MAF: variants seen among roughly 807,000 people sequenced by gnomAD.
The protein encoded by MAF is transcription factor Maf.
MAF carries 10 observed loss-of-function variants against 22.0 expected under a neutral mutation model. The observed-to-expected ratio is 0.45, with a 90% CI of 0.28 to 0.77. The LOEUF (loss-of-function observed/expected upper bound fraction) is 0.77, where lower values mean the gene tolerates loss of function less well. Ranked by LOEUF, MAF falls within the 30% of genes least tolerant of loss-of-function variation. The probability of loss-of-function intolerance (pLI) is 0.12; values close to 1 mark genes in which losing one functional copy is unlikely to be tolerated. For missense variants in MAF, 544 were observed against 548.4 expected (o/e 0.99, Z 0.08); for synonymous variants, 337 against 255.8 (o/e 1.32, Z -3.03).
At chr16:79,310,738 A>G in the MAF span, among the ~76,000 whole-genome samples, 13 of 152,160 alleles carry the variant, frequency 8.5e-5, no homozygotes, top group South Asian at 2.3e-3. Flanking sequence ...AGCAGGGTGG[A>G]GTGGTGTTAT....
chr16:79,444,573 A>C, the MAF span, among the ~76,000 whole-genome samples: 2 of 152,216 alleles, frequency 1.3e-5, no homozygotes, highest in African/African-American at 4.8e-5. Flanking sequence ...GGATGGGCAA[A>C]GTGTATTTAC....
chr16:79,581,579 T>C (rs1912519476), downstream of MAF, among the ~76,000 whole-genome samples: 1 of 152,100 alleles, frequency 6.6e-6, no homozygotes, highest in Admixed American at 6.5e-5. Flanking sequence ...ATCAATTCAA[T>C]TCTCACCTCT....
the MAF span, among the ~76,000 whole-genome samples, chr16:79,496,878 G>A: frequency 6.6e-6 from 1 of 152,086 alleles, no homozygotes; most frequent in Admixed American, 6.5e-5. Context: ...AAATCCCTCT[G>A]ATTATTATTT....
the MAF span, among the ~76,000 whole-genome samples, chr16:79,273,949 CTTTTTTTTTTTTTT>C: frequency 1.6e-4 from 14 of 86,460 alleles, no homozygotes; most frequent in Non-Finnish European, 1.8e-4. Flanking sequence ...TCGTGTCTGC[CTTTTTTTTTTTTTT>C]TTTTTTTTTT....
At chr16:79,233,913 A>C in the MAF span, among the ~76,000 whole-genome samples, 4 of 151,462 alleles carry the variant, frequency 2.6e-5, no homozygotes. Flanking sequence ...AATCCCTTGA[A>C]TATGGGAGGC....
chr16:79,236,533 A>G, the MAF span, among the ~76,000 whole-genome samples: 1 of 152,050 alleles, frequency 6.6e-6, no homozygotes, highest in African/African-American at 2.4e-5. Context: ...TCATTCATCC[A>G]TGAGATCTTT....
chr16:79,529,247 C>T, the MAF span, among the ~76,000 whole-genome samples: 3 of 152,258 alleles, frequency 2.0e-5, no homozygotes, highest in Admixed American at 1.3e-4. Context: ...GCGCCAAAAA[C>T]CAGGGGAGGG....
chr16:79,428,133 G>A, the MAF span, among the ~76,000 whole-genome samples: 38 of 146,032 alleles, frequency 2.6e-4, no homozygotes, highest in Admixed American at 2.5e-3. Context: ...CTGCTGTGAA[G>A]CAACTTCCAA....
chr16:79,310,630 A>T, the MAF span, among the ~76,000 whole-genome samples: 1 of 152,090 alleles, frequency 6.6e-6, no homozygotes, highest in African/African-American at 2.4e-5. Flanking sequence ...TTTTGCAAAG[A>T]GCTTCATCCC....
At chr16:79,331,395 C>A in the MAF span, among the ~76,000 whole-genome samples, 1 of 152,224 alleles carries the variant, frequency 6.6e-6, no homozygotes, top group South Asian at 2.1e-4. Flanking sequence ...TCCAGCTGAA[C>A]TGAAACAAGT....
chr16:79,374,077 T>C, the MAF span, among the ~76,000 whole-genome samples: 7 of 152,162 alleles, frequency 4.6e-5, no homozygotes, highest in Non-Finnish European at 1.0e-4. Flanking sequence ...CTCCTCTGCC[T>C]TGTCAGTGAA....
the MAF span, among the ~76,000 whole-genome samples, chr16:79,515,175 G>A: frequency 6.6e-6 from 1 of 152,228 alleles, no homozygotes; most frequent in African/African-American, 2.4e-5. Flanking sequence ...AATGGCACCT[G>A]TTATTTTTCG....
At chr16:79,457,222 C>G in the MAF span, among the ~76,000 whole-genome samples, 4 of 152,218 alleles carry the variant, frequency 2.6e-5, no homozygotes, top group African/African-American at 9.6e-5. Flanking sequence ...CAACAGGTGT[C>G]ACTTGCAATT....
chr16:79,304,066 C>T, the MAF span, among the ~76,000 whole-genome samples: 1 of 152,214 alleles, frequency 6.6e-6, no homozygotes, highest in Non-Finnish European at 1.5e-5. Context: ...GGGTGGGAAC[C>T]TTGTGGGACC....
chr16:79,352,029 G>T, the MAF span, among the ~76,000 whole-genome samples: 7 of 152,146 alleles, frequency 4.6e-5, no homozygotes, highest in South Asian at 1.5e-3. Flanking sequence ...CCTGGTTCTT[G>T]CCTCTGGATC....
chr16:79,326,438 T>A, the MAF span, among the ~76,000 whole-genome samples: 1 of 152,228 alleles, frequency 6.6e-6, no homozygotes. Flanking sequence ...ATCTGCAATA[T>A]ATCTAATTTA....
chr16:79,463,183 G>C, the MAF span, among the ~76,000 whole-genome samples: 32 of 152,302 alleles, frequency 2.1e-4, no homozygotes, highest in African/African-American at 6.0e-4. Context: ...CCATGTAGCT[G>C]GAAAGAAAAG....
At chr16:79,488,002 A>C in the MAF span, among the ~76,000 whole-genome samples, 1 of 152,234 alleles carries the variant, frequency 6.6e-6, no homozygotes, top group Non-Finnish European at 1.5e-5. Flanking sequence ...TTTATCTGAA[A>C]GGGATGTGGT....
At chr16:79,320,931 G>C in the MAF span, among the ~76,000 whole-genome samples, 1 of 152,188 alleles carries the variant, frequency 6.6e-6, no homozygotes, top group Non-Finnish European at 1.5e-5. Flanking sequence ...GAAACAGTCT[G>C]AGATCACAGT....
Sources: allele counts gnomAD v4.1 joint callset (sites outside exome capture counted in the v4.1 genomes callset), GRCh38; gene constraint gnomAD v4.1.1; transcripts MANE v1.5; gene names NCBI Gene and HGNC (gene_info 2026-07-23, HGNC 2026-07-21).